Variants in PCDHGA1 observed in about 807,000 individuals in gnomAD.
PCDHGA1 encodes the protein protocadherin gamma subfamily A, 1, also known as protocadherin gamma-A1.
A neutral mutation model predicts 58.0 loss-of-function variants in PCDHGA1; 32 were observed. The observed-to-expected ratio is 0.55, with a 90% CI of 0.42 to 0.74. The LOEUF is 0.74. Among genes scored for constraint, PCDHGA1 ranks in the 30% least tolerant of loss-of-function variants. PCDHGA1 has a pLI of 0.00. For synonymous variants in PCDHGA1, 498 were observed against 501.1 expected, an observed-to-expected ratio of 0.99 and a Z score of 0.08; for missense variants, 1,205 against 1,182.3, an observed-to-expected ratio of 1.02 and a Z score of -0.28.
chr5:141,357,236 A>G (rs756707851), intron 1 of PCDHGA1: 2 of 1,613,634 alleles, frequency 1.2e-6, no homozygotes, highest in East Asian at 4.5e-5. Context: ...GGCAGCCTCA[A>G]GCCTTCAGCA....
In PCDHGA1 at chr5:141,493,233, G is replaced by T. The variant is rs1335823475; in HGVS notation, c.2422-1574G>T. ...TTTGCTCTTCCCACCATTGCTGTTG[G>T]CTAGGTACTAACATGCCTCTCTTAT... is the stretch of plus-strand genomic sequence containing the variant. On this transcript the variant is annotated intron_variant, in intron 1 of 3. Coordinates refer to ENST00000517417, the MANE Select transcript of PCDHGA1 (RefSeq NM_018912.3). This position sits in a 1 kb window ranked among gnomAD's most constrained non-coding sequence, Gnocchi z 4.3. 6.6e-6 allele frequency among the ~76,000 whole-genome samples: 1 copy of T among 152,172 alleles called. No homozygotes were observed. The highest frequency in any genetic ancestry group is 2.1e-4 in the South Asian group (1 of 4,828).
At position 141,485,229 on chromosome 5, in the gene PCDHGA1, TC is replaced by T; in HGVS notation, c.2422-9576del. On this transcript the variant is annotated intron_variant, in intron 1 of 3. Transcript: ENST00000517417. The surrounding 1 kb of genome is among the most constrained non-coding windows in gnomAD (Gnocchi z 5.7). ...ATCTGGCGGTGGGCTACCCTTTTGT[TC>T]CTCTTTTACCACCTGGGTTACGTTT... 6.2e-7 allele frequency: 1 copy of T among 1,614,160 alleles called. No homozygotes were observed. The highest frequency in any genetic ancestry group is 8.5e-7 in the Non-Finnish European group (1 of 1,180,022).
At chr5:141,443,448 T>C (rs1205977008) in intron 1 of PCDHGA1, among the ~76,000 whole-genome samples, 1 of 152,210 alleles carries the variant, frequency 6.6e-6, no homozygotes, top group African/African-American at 2.4e-5. Context: ...GTTGCGCTCC[T>C]GTACTCCAGT....
At chr5:141,428,147 G>A (rs771536400) in intron 1 of PCDHGA1, 2 of 1,589,610 alleles carry the variant, frequency 1.3e-6, no homozygotes, top group Admixed American at 1.7e-5. Context: ...GGCTGCACAC[G>A]GGAACCTGCT....
intron 1 of PCDHGA1, chr5:141,341,325 G>C (rs955067221): frequency 8.7e-6 from 14 of 1,614,254 alleles, no homozygotes; most frequent in Non-Finnish European, 1.2e-5. Context: ...CAGGAGAGCT[G>C]TGAGAAAAAG....
intron 1 of PCDHGA1, chr5:141,402,944 G>C (rs1487270083): frequency 2.5e-6 from 4 of 1,592,136 alleles, no homozygotes; most frequent in African/African-American, 1.3e-5. Context: ...ATTCCAAAGC[G>C]AGGCAGCAAT....
At chr5:141,348,433 T>C (rs1223053544) in intron 1 of PCDHGA1, among the ~76,000 whole-genome samples, 1 of 152,076 alleles carries the variant, frequency 6.6e-6, no homozygotes, top group East Asian at 1.9e-4. Flanking sequence ...TTTTAACATA[T>C]CATTTTTAGA....
At position 141,489,369 on chromosome 5, in the gene PCDHGA1, G is replaced by A. The variant is rs371328808; in HGVS notation, c.2422-5438G>A. The A allele has an allele frequency of 4.5e-5, 73 of 1,613,474 alleles. No individual in the cohort carries two copies. Among genetic ancestry groups the A allele is most frequent in the African/African-American group, 4.1e-4 (31 of 74,894 alleles). ...TGGTGGAGGAGTCTGAGCCGGGGACGCTGGTGGGGAATGTTGCTCAGGATC... is the reference window on the plus strand; with the variant it reads ...TGGTGGAGGAGTCTGAGCCGGGGACACTGGTGGGGAATGTTGCTCAGGATC... On this transcript the variant is annotated intron_variant, in intron 1 of 3. Transcript: ENST00000517417. This position sits in a 1 kb window ranked among gnomAD's most constrained non-coding sequence, Gnocchi z 4.5.
Position 141,487,070 on chromosome 5 carries a change from C to T in PCDHGA1, c.2422-7737C>T. ...TGCTGGGGAGGTGCGGACGGCTGTT[C>T]CTATCCCAGCTGACCTCCCACCACA... On this transcript the variant is annotated intron_variant, in intron 1 of 3. Coordinates refer to ENST00000517417, the MANE Select transcript of PCDHGA1 (RefSeq NM_018912.3). This position sits in a 1 kb window ranked among gnomAD's most constrained non-coding sequence, Gnocchi z 5.0. The T allele has an allele frequency of 6.2e-7, 1 of 1,614,154 alleles. No homozygotes were observed. Among genetic ancestry groups the T allele is most frequent in the Non-Finnish European group, 8.5e-7 (1 of 1,180,008 alleles).
Position 141,394,523 on chromosome 5 carries a change from C to A in PCDHGA1, c.2421+61418C>A, listed in dbSNP as rs373702756. ...TCCTGTACCCCGCCCTCCCCACAGACGGTTCCACTGGCGTGGAGCTGGCGC... is the reference window on the plus strand; with the variant it reads ...TCCTGTACCCCGCCCTCCCCACAGAAGGTTCCACTGGCGTGGAGCTGGCGC... On this transcript the variant is annotated intron_variant, in intron 1 of 3. Transcript: ENST00000517417. The A allele has an allele frequency of 1.1e-5, 17 of 1,614,116 alleles. No homozygotes were observed. The highest frequency in any genetic ancestry group is 5.3e-5 in the African/African-American group (4 of 74,950).
Position 141,476,104 on chromosome 5 carries a change from G to A in PCDHGA1, c.2422-18703G>A. 6.3e-7 allele frequency: 1 copy of A among 1,584,700 alleles called. No homozygotes were observed. Among genetic ancestry groups the A allele is most frequent in the Non-Finnish European group, 8.6e-7 (1 of 1,168,500 alleles). On this transcript the variant is annotated intron_variant, in intron 1 of 3. Coordinates refer to ENST00000517417, the MANE Select transcript of PCDHGA1 (RefSeq NM_018912.3). The surrounding 1 kb of genome is among the most constrained non-coding windows in gnomAD (Gnocchi z 7.6). ...GATCTGGACCCCGCTGAGAGGAACTGCTTTTGAGTGAGATGGTCCCAGAGG... is the reference window on the plus strand; with the variant it reads ...GATCTGGACCCCGCTGAGAGGAACTACTTTTGAGTGAGATGGTCCCAGAGG...
intron 1 of PCDHGA1, chr5:141,371,543 A>G (rs1209242275): frequency 3.1e-6 from 5 of 1,613,694 alleles, no homozygotes; most frequent in Non-Finnish European, 4.2e-6. Flanking sequence ...GAGAAATCCT[A>G]TGCCAACTAA....
Position 141,372,598 on chromosome 5 carries a change from C to CTGTA in PCDHGA1, c.2421+39494_2421+39497dup, listed in dbSNP as rs763694061. The CTGTA allele has an allele frequency of 6.2e-6, 10 of 1,614,046 alleles. No individual in the cohort carries two copies. In the South Asian group the frequency reaches 1.1e-4, roughly 18 times the overall value. On this transcript the variant is annotated intron_variant, in intron 1 of 3. Coordinates refer to ENST00000517417, the MANE Select transcript of PCDHGA1 (RefSeq NM_018912.3). ...TTTCAGCCTGGTGTCTGCTTCAAGA[C>CTGTA]TGTACCTGGAGTTCTCCCCACCTAC...
chr5:141,426,363 C>T (rs994657779), intron 1 of PCDHGA1: 12 of 202,404 alleles, frequency 5.9e-5, no homozygotes, highest in East Asian at 4.4e-4. Context: ...CTTTGTTCTG[C>T]GGGGCACCCT....
rs369748404 is a variant in PCDHGA1 at position 141,476,671 on chromosome 5, G to A, written c.2422-18136G>A. The A allele has an allele frequency of 6.2e-7, 1 of 1,614,128 alleles. No homozygotes were observed. Among genetic ancestry groups the A allele is most frequent in the Non-Finnish European group, 8.5e-7 (1 of 1,180,056 alleles). On this transcript the variant is annotated intron_variant, in intron 1 of 3. Coordinates refer to ENST00000517417, the MANE Select transcript of PCDHGA1 (RefSeq NM_018912.3). This position sits in a 1 kb window ranked among gnomAD's most constrained non-coding sequence, Gnocchi z 7.6. ...ATGAATACTTTGCGCTTCGCGTGCA[G>A]ACGCGGGAGGACAGCACCAAGTACG...
intron 1 of PCDHGA1, chr5:141,388,423 TGATA>T: frequency 2.5e-6 from 4 of 1,613,948 alleles, no homozygotes; most frequent in Non-Finnish European, 3.4e-6. Flanking sequence ...CATTTCTCAC[TGATA>T]AATAAAGAGA....
At chr5:141,422,292 T>C in intron 1 of PCDHGA1, 1 of 1,552,434 alleles carries the variant, frequency 6.4e-7, no homozygotes. Context: ...CTTCTATTAA[T>C]TCAATTCTGG....
intron 1 of PCDHGA1, chr5:141,357,610 C>A: frequency 6.2e-7 from 1 of 1,613,906 alleles, no homozygotes. Flanking sequence ...AAAAGGAGAC[C>A]CTAATCTTCA....
At chr5:141,478,598 A>C in intron 1 of PCDHGA1, 1 of 1,566,350 alleles carries the variant, frequency 6.4e-7, no homozygotes, top group South Asian at 1.2e-5. Flanking sequence ...TTATTCCTAC[A>C]TCATATTGAG....
Sources: allele counts gnomAD v4.1 joint callset (sites outside exome capture counted in the v4.1 genomes callset), GRCh38; gene constraint gnomAD v4.1.1; non-coding constraint Gnocchi (gnomAD v3.1); transcripts MANE v1.5; gene names NCBI Gene and HGNC (gene_info 2026-07-23, HGNC 2026-07-21).